Variants in PPP1R1C observed in about 807,000 individuals in gnomAD.
PPP1R1C encodes the protein protein phosphatase 1 regulatory subunit 1C.
Under a neutral mutation model 17.4 loss-of-function variants are expected in PPP1R1C, and 15 were observed. That is an observed-to-expected ratio of 0.86 (90% CI 0.58 to 1.33). The LOEUF (loss-of-function observed/expected upper bound fraction) is 1.33. Among genes scored for constraint, PPP1R1C ranks in the 40% most tolerant of loss-of-function variants. PPP1R1C has a pLI of 0.00. For missense variants in PPP1R1C, 143 were observed against 130.0 expected (o/e 1.10, Z -0.48); for synonymous variants, 35 against 43.1 (o/e 0.81, Z 0.73).
chr2:181,999,446 C>T (rs1307916975), intron 2 of PPP1R1C, among the ~76,000 whole-genome samples: 1 of 152,150 alleles, frequency 6.6e-6, no homozygotes, highest in African/African-American at 2.4e-5. Context: ...GTAAGTAGGT[C>T]TGTAATGTAC....
At position 182,009,347 on chromosome 2, in the gene PPP1R1C, A is replaced by C. The variant is rs569173487; in HGVS notation, c.142+21448A>C. On this transcript the variant is annotated intron_variant, in intron 2 of 4. Transcript: ENST00000682840. ...TTTAACTGGCATGAGATGATATCTC[A>C]TAGTAGTTTTGATTTGCATACCTCT... is the stretch of plus-strand genomic sequence containing the variant. 2.0e-5 allele frequency among the ~76,000 whole-genome samples: 3 copies of C among 152,252 alleles called. No homozygotes were observed. The East Asian group carries it at 5.8e-4, about 29-fold the overall frequency.
At chr2:182,026,500 G>T (rs1193259408) in intron 2 of PPP1R1C, among the ~76,000 whole-genome samples, 1 of 143,412 alleles carries the variant, frequency 7.0e-6, no homozygotes, top group Non-Finnish European at 1.5e-5. Flanking sequence ...TGTCAGGTTT[G>T]TCAAAGATCA....
chr2:181,970,434 A>C (rs1684985956), intron 1 of PPP1R1C, among the ~76,000 whole-genome samples: 1 of 152,144 alleles, frequency 6.6e-6, no homozygotes, highest in Non-Finnish European at 1.5e-5. Context: ...AAGATCTTGA[A>C]GTATTCTCTG....
At chr2:182,018,924 A>G (rs1686337289) in intron 2 of PPP1R1C, among the ~76,000 whole-genome samples, 1 of 152,168 alleles carries the variant, frequency 6.6e-6, no homozygotes, top group South Asian at 2.1e-4. Flanking sequence ...AAGTATGGAT[A>G]ATTGGGTAAT....
chr2:181,966,866 G>A (rs1237859785), intron 1 of PPP1R1C, among the ~76,000 whole-genome samples: 3 of 152,196 alleles, frequency 2.0e-5, no homozygotes, highest in African/African-American at 7.2e-5. Context: ...TTTCAGAATA[G>A]TTTGAGTAGG....
intron 4 of PPP1R1C, among the ~76,000 whole-genome samples, chr2:182,109,663 T>C (rs1405314190): frequency 6.6e-6 from 1 of 152,246 alleles, no homozygotes; most frequent in East Asian, 1.9e-4. Flanking sequence ...TACATTTACA[T>C]GAGTCAGTTT....
Position 181,989,476 on chromosome 2 carries a change from C to T in PPP1R1C, c.142+1577C>T, listed in dbSNP as rs191928170. On this transcript the variant is annotated intron_variant, in intron 2 of 4. Coordinates refer to ENST00000682840, the MANE Select transcript of PPP1R1C (RefSeq NM_001080545.3). ...GCCCATACATTTCCACTGGCACTGG[C>T]TTTGAAAATATCAGTTTGCACTACA... Among the ~76,000 whole-genome samples, 879 of 152,256 alleles carry T rather than the reference C, an allele frequency of 5.8e-3. 3 individuals are homozygous for T. The highest frequency in any genetic ancestry group is 9.1e-3 in the Non-Finnish European group (620 of 68,004).
intron 1 of PPP1R1C, among the ~76,000 whole-genome samples, chr2:181,970,550 A>G (rs974498377): frequency 6.6e-6 from 1 of 152,164 alleles, no homozygotes; most frequent in African/African-American, 2.4e-5. Context: ...GGTCTTGACC[A>G]AAGTCCATGA....
chr2:182,030,142 T>C (rs1403436955), intron 2 of PPP1R1C, among the ~76,000 whole-genome samples: 1 of 149,888 alleles, frequency 6.7e-6, no homozygotes, highest in East Asian at 2.0e-4. Context: ...TTTCAACTTC[T>C]TTGCCTTTGG....
intron 2 of PPP1R1C, among the ~76,000 whole-genome samples, chr2:182,002,932 C>G (rs867944402): frequency 3.8e-5 from 5 of 133,094 alleles, no homozygotes; most frequent in African/African-American, 8.7e-5. Context: ...CATAAACCTC[C>G]CCCCCCCCAC....
At chr2:181,987,765 C>T in intron 1 of PPP1R1C, 74 bp from the exon 2 acceptor site, 1 of 1,490,968 alleles carries the variant, frequency 6.7e-7, no homozygotes, top group South Asian at 1.2e-5. Context: ...GGTGAGACAG[C>T]TTTGCAAGCT....
intron 1 of PPP1R1C, among the ~76,000 whole-genome samples, chr2:181,956,898 A>G (rs890337002): frequency 3.3e-5 from 5 of 152,248 alleles, no homozygotes; most frequent in African/African-American, 1.2e-4. Flanking sequence ...TGAAATTTCC[A>G]TCTGAAATGT....
chr2:182,090,007 A>G (rs967219478), intron 4 of PPP1R1C, among the ~76,000 whole-genome samples: 1 of 152,024 alleles, frequency 6.6e-6, no homozygotes, highest in African/African-American at 2.4e-5. Context: ...AATATATTTG[A>G]ATTTGGTTTT....
At chr2:182,082,284 A>G (rs2125214302) in intron 4 of PPP1R1C, among the ~76,000 whole-genome samples, 1 of 152,354 alleles carries the variant, frequency 6.6e-6, no homozygotes, top group East Asian at 1.9e-4. Flanking sequence ...GAACTTAGGT[A>G]AACAGAGGGG....
chr2:182,052,429 C>G (rs892320934), intron 2 of PPP1R1C, among the ~76,000 whole-genome samples: 27 of 152,172 alleles, frequency 1.8e-4, no homozygotes, highest in Admixed American at 1.2e-3. Context: ...TATTTTTAGA[C>G]AATGCCAAAG....
intron 2 of PPP1R1C, among the ~76,000 whole-genome samples, chr2:182,019,900 C>A (rs1263912599): frequency 2.0e-5 from 3 of 152,102 alleles, no homozygotes; most frequent in African/African-American, 4.8e-5. Context: ...ATGAAGTGTT[C>A]TTCAGAGTAA....
chr2:182,118,885 A>C (rs1217369436), downstream of PPP1R1C, among the ~76,000 whole-genome samples: 176 of 121,616 alleles, frequency 1.4e-3, no homozygotes, highest in Middle Eastern at 8.9e-3. Context: ...GTCTTTCTCC[A>C]CCCCTCCCAT....
chr2:182,114,545 T>C (rs1199403444), intron 4 of PPP1R1C, among the ~76,000 whole-genome samples: 3 of 152,156 alleles, frequency 2.0e-5, no homozygotes, highest in African/African-American at 7.2e-5. Context: ...CAGATGAATA[T>C]TGATGACAGG....
chr2:182,093,438 G>A (rs1213696923), intron 4 of PPP1R1C, among the ~76,000 whole-genome samples: 2 of 152,218 alleles, frequency 1.3e-5, no homozygotes, highest in Non-Finnish European at 2.9e-5. Flanking sequence ...TTTCCCCATT[G>A]TATTGGGGAT....
Sources: allele counts gnomAD v4.1 joint callset (sites outside exome capture counted in the v4.1 genomes callset), GRCh38; gene constraint gnomAD v4.1.1; transcripts MANE v1.5; gene names NCBI Gene and HGNC (gene_info 2026-07-23, HGNC 2026-07-21).